The following FCHO2 variants were observed in gnomAD, a reference collection of about 807,000 sequenced individuals.
FCHO2 encodes the protein F-BAR domain only protein 2.
Under a neutral mutation model 114.1 loss-of-function variants are expected in FCHO2, and 43 were observed. That is an observed-to-expected ratio of 0.38 (90% confidence interval 0.30 to 0.49). The LOEUF (loss-of-function observed/expected upper bound fraction) is 0.49. Among genes scored for constraint, FCHO2 ranks in the 20% least tolerant of loss-of-function variants. FCHO2 has a pLI of 0.97. For synonymous variants in FCHO2, 293 were observed against 315.2 expected (o/e 0.93, Z 0.75); for missense variants, 807 against 950.4 (o/e 0.85, Z 1.98).
chr5:72,994,417 T>G lies in FCHO2; in HGVS notation c.495+3553T>G, dbSNP rs141128559. Among the ~76,000 whole-genome samples, 313 of 152,090 alleles carry G rather than the reference T, an allele frequency of 2.1e-3. 3 individuals are homozygous for G. The highest frequency in any genetic ancestry group is 7.3e-3 in the African/African-American group (303 of 41,502). On this transcript the variant is annotated intron_variant, in intron 5 of 25. Coordinates refer to ENST00000430046, the MANE Select transcript of FCHO2 (RefSeq NM_138782.3). The stretch of plus-strand genomic sequence containing the variant: ...TCACTGATGATCAGAGAAATGCAAA[T>G]CAAAACCACAATGAGATACCATCTC...
intron 5 of FCHO2, chr5:72,997,033 A>G (rs553278086): frequency 6.3e-6 from 9 of 1,429,382 alleles, no homozygotes; most frequent in Non-Finnish European, 8.8e-6. Context: ...TTCAGCACCA[A>G]ACTGTTCGAT....
chr5:73,003,270 C>A (rs1344769169), intron 5 of FCHO2, among the ~76,000 whole-genome samples: 2 of 152,094 alleles, frequency 1.3e-5, no homozygotes, highest in Non-Finnish European at 2.9e-5. Context: ...GCCTCTGCCT[C>A]CCTAAGAGCT....
At chr5:73,065,396 C>G (rs1354190874) in intron 18 of FCHO2, among the ~76,000 whole-genome samples, 1 of 151,792 alleles carries the variant, frequency 6.6e-6, no homozygotes, top group African/African-American at 2.4e-5. Flanking sequence ...TTTCACCACC[C>G]AAAGATAACC....
intron 5 of FCHO2, among the ~76,000 whole-genome samples, chr5:72,992,166 G>C (rs1212312518): frequency 6.6e-6 from 1 of 152,090 alleles, no homozygotes. Context: ...TTAGAATTTG[G>C]AGCAATAAGG....
intron 15 of FCHO2, among the ~76,000 whole-genome samples, chr5:73,055,573 C>G (rs1175479896): frequency 1.3e-5 from 2 of 152,166 alleles, no homozygotes; most frequent in East Asian, 3.8e-4. Flanking sequence ...GCAAAACAAA[C>G]TATCTTATAA....
intron 5 of FCHO2, among the ~76,000 whole-genome samples, chr5:72,995,913 C>T (rs1388066590): frequency 6.6e-6 from 1 of 151,954 alleles, no homozygotes; most frequent in Non-Finnish European, 1.5e-5. Flanking sequence ...ACCATAGCAG[C>T]TCCTCTAATC....
chr5:73,087,784 T>G lies in FCHO2; in HGVS notation c.2410+31T>G, dbSNP rs1743360695. On this transcript the variant is annotated intron_variant, in intron 25 of 25. Transcript: ENST00000430046. ...TTAGGAGATTTCAAACTTTTTAATG[T>G]ACATGGGAAACATTTGTATTCTAAC... is the stretch of plus-strand genomic sequence containing the variant. The G allele has an allele frequency of 3.9e-6, 6 of 1,536,206 alleles. No individual in the cohort carries two copies. In the South Asian group the frequency reaches 7.7e-5, roughly 20 times the overall value.
chr5:73,049,111 C>T (rs1328970547), intron 11 of FCHO2, among the ~76,000 whole-genome samples: 1 of 151,692 alleles, frequency 6.6e-6, no homozygotes, highest in Admixed American at 6.6e-5. Context: ...CTCCTGACCT[C>T]GTGATCCGCC....
intron 17 of FCHO2, among the ~76,000 whole-genome samples, chr5:73,061,105 G>T (rs951400054): frequency 2.0e-5 from 3 of 151,790 alleles, no homozygotes; most frequent in African/African-American, 7.3e-5. Context: ...TACTTCCTGG[G>T]GGCAGTTTTA....
chr5:72,982,280 C>T lies in FCHO2; in HGVS notation c.126-7147C>T, dbSNP rs142384338. On this transcript the variant is annotated intron_variant, in intron 2 of 25. Coordinates refer to ENST00000430046, the MANE Select transcript of FCHO2 (RefSeq NM_138782.3). ...CCCCAGTGAGATGAGCCGGGTACCTCAGTTAGAAATGCTGAAATCACCTGC... is the reference window on the plus strand; with the variant it reads ...CCCCAGTGAGATGAGCCGGGTACCTTAGTTAGAAATGCTGAAATCACCTGC... 1.2e-4 allele frequency among the ~76,000 whole-genome samples: 19 copies of T among 152,294 alleles called. No homozygotes were observed. In the East Asian group the frequency reaches 3.7e-3, roughly 29 times the overall value.
chr5:73,087,877 A>G, intron 25 of FCHO2, 124 bp downstream of exon 25: 1 of 1,420,430 alleles, frequency 7.0e-7, no homozygotes, highest in East Asian at 2.3e-5. Flanking sequence ...AACCCTTGGT[A>G]CAAGGTGCCA....
chr5:72,962,415 C>T (rs780199033), intron 1 of FCHO2, among the ~76,000 whole-genome samples: 2 of 151,974 alleles, frequency 1.3e-5, no homozygotes, highest in African/African-American at 4.8e-5. Context: ...TAATATAAGC[C>T]CTTTGAAAGT....
intron 8 of FCHO2, chr5:73,020,829 G>T: frequency 1.1e-6 from 1 of 915,104 alleles, no homozygotes; most frequent in Non-Finnish European, 1.8e-6. Context: ...CGATGCTGCC[G>T]AGCTGCTCAT....
Position 73,073,850 on chromosome 5 carries a change from A to T in FCHO2, c.1580-892A>T, listed in dbSNP as rs1234064354. Among the ~76,000 whole-genome samples, 3 of 152,098 alleles carry T rather than the reference A, an allele frequency of 2.0e-5. No individual in the cohort carries two copies. In the East Asian group the frequency reaches 5.8e-4, roughly 29 times the overall value. On this transcript the variant is annotated intron_variant, in intron 19 of 25. Transcript: ENST00000430046. ...TCAGAGATAAGTGTTGACCTAGATT[A>T]TTTATTTTTTTCACTAAGGATGAAT...
intron 2 of FCHO2, among the ~76,000 whole-genome samples, chr5:72,979,396 T>C (rs1397205916): frequency 1.7e-3 from 212 of 123,464 alleles, no homozygotes; most frequent in Non-Finnish European, 3.2e-3. Context: ...TTTTTTTTTT[T>C]TTTTTTTTTT....
intron 17 of FCHO2, among the ~76,000 whole-genome samples, chr5:73,060,269 T>G (rs544027128): frequency 6.6e-6 from 1 of 152,116 alleles, no homozygotes; most frequent in South Asian, 2.1e-4. Flanking sequence ...GTATGCATTT[T>G]TAAATCTTCC....
chr5:73,073,258 TCA>T (rs1742746987), intron 19 of FCHO2, among the ~76,000 whole-genome samples: 1 of 152,090 alleles, frequency 6.6e-6, no homozygotes, highest in African/African-American at 2.4e-5. Flanking sequence ...TACTCTGTGT[TCA>T]GAGAGATCTT....
rs139361956 is a variant in FCHO2, at chr5:73,037,904, G to A, written c.914+689G>A. 6.6e-3 allele frequency: 2,036 copies of A among 306,490 alleles called. 13 individuals carry two copies. Among genetic ancestry groups the A allele is most frequent in the Admixed American group, 0.011 (261 of 22,716 alleles). The allele number at this position is 306,490 out of a possible 1,614,324, so 19.0% of individuals were successfully genotyped here. A position where few individuals can be genotyped will look rare whatever the true frequency, so the allele number is the denominator to read the frequency against. On this transcript the variant is annotated intron_variant, in intron 10 of 25. Coordinates refer to ENST00000430046, the MANE Select transcript of FCHO2 (RefSeq NM_138782.3). Reference sequence around the variant, plus strand: ...CCTCCCAAGTAGCTGGAATTACGGCGCCCACCACCACATCTGGCTAATTTT... The same window carrying A: ...CCTCCCAAGTAGCTGGAATTACGGCACCCACCACCACATCTGGCTAATTTT...
In FCHO2 at chr5:72,982,227, C is replaced by T. The variant is rs567796471; in HGVS notation, c.126-7200C>T. Among the ~76,000 whole-genome samples, 3 of 152,288 alleles carry T rather than the reference C, an allele frequency of 2.0e-5. No homozygotes were observed. In the East Asian group the frequency reaches 5.8e-4, roughly 29 times the overall value. Reference sequence around the variant, plus strand: ...GCCCCGTCCTGCTTCTGCTCGCTCTCTGTGGGCTGCACCCACTGTCTAACT... The same window carrying T: ...GCCCCGTCCTGCTTCTGCTCGCTCTTTGTGGGCTGCACCCACTGTCTAACT... On this transcript the variant is annotated intron_variant, in intron 2 of 25. Transcript: ENST00000430046.
Sources: gnomAD v4.1 joint callset for allele counts (sites outside exome capture counted in the v4.1 genomes callset) on GRCh38, gnomAD v4.1.1 for gene constraint, MANE v1.5 for transcripts, NCBI Gene and HGNC (gene_info 2026-07-23, HGNC 2026-07-21) for gene names.